Variants in RB1 observed in about 807,000 individuals in gnomAD.
RB1 encodes retinoblastoma-associated protein.
In RB1, 18 loss-of-function variants were observed where a neutral mutation model predicts 135.4. The ratio of observed to expected loss-of-function variants is 0.13; its 90% CI spans 0.09 to 0.20. RB1 has a LOEUF of 0.20. Among genes scored for constraint, RB1 ranks in the 10% least tolerant of loss-of-function variants. The pLI is 1.00. For missense variants in RB1, 868 were observed against 1,110.0 expected (o/e 0.78, Z 3.10); for synonymous variants, 365 against 373.2 (o/e 0.98, Z 0.25).
intron 11 of RB1, among the ~76,000 whole-genome samples, chr13:48,370,934 A>G (rs1952751671): frequency 6.6e-6 from 1 of 152,206 alleles, no homozygotes; most frequent in South Asian, 2.1e-4. Context: ...ATTCATTAGC[A>G]CACAAAAGGA....
chr13:48,352,622 T>G (rs1270649765), intron 6 of RB1, among the ~76,000 whole-genome samples: 1 of 152,186 alleles, frequency 6.6e-6, no homozygotes. Context: ...CAATTTTTAA[T>G]GGGATTGCCT....
rs949086989 is a variant in RB1, at chr13:48,375,452, T to C, written c.1216-1466T>C. 4.6e-5 allele frequency among the ~76,000 whole-genome samples: 7 copies of C among 151,620 alleles called. No homozygotes were observed. In the East Asian group the frequency reaches 7.7e-4, roughly 17 times the overall value. ...TTTTATGACAGGAAATGCTTGTTTG[T>C]TATATGTTTCTAAGTTTGTGTGCTG... On this transcript the variant is annotated intron_variant, in intron 12 of 26. Coordinates refer to ENST00000267163, the MANE Select transcript of RB1 (RefSeq NM_000321.3).
At chr13:48,461,268 G>A (rs1307949280) in intron 20 of RB1, among the ~76,000 whole-genome samples, 1 of 152,032 alleles carries the variant, frequency 6.6e-6, no homozygotes, top group East Asian at 1.9e-4. Flanking sequence ...ATAATATGTG[G>A]TCTTTTGTGT....
intron 12 of RB1, among the ~76,000 whole-genome samples, chr13:48,375,917 T>C (rs2854357): frequency 0.78 from 118,855 of 151,938 alleles, 52,212 homozygotes; most frequent in Non-Finnish European, 0.97. Context: ...TGAATGTATA[T>C]ATTGAATGTG....
At chr13:48,378,259 T>A (rs1289433309) in intron 13 of RB1, among the ~76,000 whole-genome samples, 3 of 152,198 alleles carry the variant, frequency 2.0e-5, no homozygotes, top group Non-Finnish European at 2.9e-5. Context: ...TTGACTCTTA[T>A]AACACTTAGC....
chr13:48,448,892 G>GAA, intron 17 of RB1, among the ~76,000 whole-genome samples: 1 of 152,226 alleles, frequency 6.6e-6, no homozygotes, highest in Non-Finnish European at 1.5e-5. Context: ...ACGTTTCATT[G>GAA]CTAGTAAACT....
intron 18 of RB1, among the ~76,000 whole-genome samples, chr13:48,454,251 G>GGC (rs1355088709): frequency 6.6e-6 from 1 of 152,198 alleles, no homozygotes; most frequent in Non-Finnish European, 1.5e-5. Flanking sequence ...GCCTTTCACA[G>GGC]AAATGTGCCT....
At chr13:48,411,813 G>A in intron 17 of RB1, 1 of 1,612,596 alleles carries the variant, frequency 6.2e-7, no homozygotes, top group Non-Finnish European at 8.5e-7. Context: ...CACCATACTA[G>A]AACAAGTTAC....
At chr13:48,317,686 G>C in intron 2 of RB1, 1 of 540,156 alleles carries the variant, frequency 1.9e-6, no homozygotes, top group East Asian at 6.7e-5. Context: ...GGGCGGTGCC[G>C]GATCCCCTTG....
chr13:48,410,149 G>A (rs1302673901), intron 17 of RB1, among the ~76,000 whole-genome samples: 1 of 152,202 alleles, frequency 6.6e-6, no homozygotes, highest in Non-Finnish European at 1.5e-5. Context: ...GGCCAGAAGA[G>A]TGAAGGAAAA....
intron 17 of RB1, among the ~76,000 whole-genome samples, chr13:48,434,178 G>A (rs566438884): frequency 4.5e-4 from 68 of 152,060 alleles, no homozygotes; most frequent in African/African-American, 1.6e-3. Context: ...CAGGCCTGGT[G>A]GCTCATGCCT....
chr13:48,385,422 AAG>A (rs1333100201), intron 17 of RB1, among the ~76,000 whole-genome samples: 3 of 152,194 alleles, frequency 2.0e-5, no homozygotes, highest in Admixed American at 6.5e-5. Flanking sequence ...CTAGTTGAGA[AAG>A]AGAAGAGGGG....
At chr13:48,424,687 C>T (rs1949054460) in intron 17 of RB1, among the ~76,000 whole-genome samples, 1 of 152,164 alleles carries the variant, frequency 6.6e-6, no homozygotes, top group African/African-American at 2.4e-5. Context: ...TCCTTAATCT[C>T]ATCAGTTCCT....
At chr13:48,321,365 G>T (rs1472142534) in intron 2 of RB1, among the ~76,000 whole-genome samples, 1 of 7,230 alleles carries the variant, frequency 1.4e-4, no homozygotes, top group Non-Finnish European at 3.6e-4. Flanking sequence ...GGGAGGAGGG[G>T]CAAGGGCCCT....
intron 2 of RB1, among the ~76,000 whole-genome samples, chr13:48,309,358 A>C (rs1360009254): frequency 1.3e-5 from 2 of 152,230 alleles, no homozygotes; most frequent in African/African-American, 4.8e-5. Context: ...GTCCCATAAG[A>C]AAATTGTTTA....
At chr13:48,416,918 C>T (rs1335845036) in intron 17 of RB1, among the ~76,000 whole-genome samples, 1 of 152,198 alleles carries the variant, frequency 6.6e-6, no homozygotes, top group Non-Finnish European at 1.5e-5. Context: ...CAGCCCCAGT[C>T]AGGGGCTTAT....
intron 17 of RB1, among the ~76,000 whole-genome samples, chr13:48,452,247 G>A (rs1439738914): frequency 6.6e-6 from 1 of 152,002 alleles, no homozygotes; most frequent in Non-Finnish European, 1.5e-5. Flanking sequence ...TCCATTCCAG[G>A]AAGAAAATCT....
At chr13:48,476,535 A>G in intron 24 of RB1, 166 bp from the exon 25 acceptor site, 2 of 675,420 alleles carry the variant, frequency 3.0e-6, no homozygotes, top group Non-Finnish European at 4.9e-6. Context: ...AGTTATTCTG[A>G]TTTTTAGATT....
At chr13:48,460,259 C>A (rs528221880) in intron 20 of RB1, among the ~76,000 whole-genome samples, 147 of 152,008 alleles carry the variant, frequency 9.7e-4, no homozygotes, top group Non-Finnish European at 1.8e-3. Context: ...CATGAGCCAC[C>A]GCACCCAGCC....
Sources: allele counts gnomAD v4.1 joint callset (sites outside exome capture counted in the v4.1 genomes callset), GRCh38; gene constraint gnomAD v4.1.1; transcripts MANE v1.5; gene names NCBI Gene and HGNC (gene_info 2026-07-23, HGNC 2026-07-21).